IL1RAPL2: variants seen among roughly 807,000 people sequenced by gnomAD.
IL1RAPL2 encodes the protein X-linked interleukin-1 receptor accessory protein-like 2.
IL1RAPL2 carries 3 observed loss-of-function variants against 44.1 expected under a neutral mutation model. The ratio of observed to expected loss-of-function variants is 0.07; its 90% CI spans 0.03 to 0.18. IL1RAPL2 has a LOEUF of 0.18. IL1RAPL2 is among the 10% of genes least tolerant of loss of function. IL1RAPL2 has a pLI of 1.00. For synonymous variants in IL1RAPL2, 181 were observed against 178.8 expected (o/e 1.01, Z -0.10); for missense variants, 391 against 496.4 (o/e 0.79, Z 2.02).
At chrX:105,006,214 G>C (rs1167777786) in intron 2 of IL1RAPL2, among the ~76,000 whole-genome samples, 2 of 110,062 alleles carry the variant, frequency 1.8e-5, no homozygotes, top group Non-Finnish European at 3.8e-5. Context: ...CCCTCCTCGT[G>C]GGTATTTGTG....
chrX:105,218,471 T>C (rs1168071013), intron 3 of IL1RAPL2, among the ~76,000 whole-genome samples: 1 of 111,160 alleles, frequency 9.0e-6, no homozygotes, highest in Non-Finnish European at 1.9e-5. Flanking sequence ...AAAAATCCAT[T>C]TGGCTCTGGA....
intron 2 of IL1RAPL2, among the ~76,000 whole-genome samples, chrX:105,040,972 G>C (rs1296177379): frequency 2.0e-5 from 2 of 100,013 alleles, no homozygotes; most frequent in Admixed American, 2.2e-4. Context: ...TGTGATGTTA[G>C]GGTGTCAATT....
intron 2 of IL1RAPL2, among the ~76,000 whole-genome samples, chrX:104,907,451 T>A (rs1187012267): frequency 1.8e-5 from 2 of 111,198 alleles, no homozygotes; most frequent in Non-Finnish European, 3.8e-5. Context: ...GTGCTATAAA[T>A]TTCCCTCTAC....
intron 1 of IL1RAPL2, among the ~76,000 whole-genome samples, chrX:104,618,097 G>A (rs138944490): frequency 0.011 from 1,259 of 112,043 alleles, 9 homozygotes; most frequent in Middle Eastern, 0.046. Flanking sequence ...ATGCTGGGTA[G>A]GATATTTTGG....
At chrX:105,239,663 T>C (rs57649323) in intron 4 of IL1RAPL2, among the ~76,000 whole-genome samples, 2,429 of 99,399 alleles carry the variant, frequency 0.024, 59 homozygotes, top group African/African-American at 0.11. Context: ...AACGGGTGTA[T>C]AGTTCCATAA....
intron 2 of IL1RAPL2, among the ~76,000 whole-genome samples, chrX:105,098,622 T>C (rs982102789): frequency 8.9e-6 from 1 of 112,358 alleles, no homozygotes; most frequent in African/African-American, 3.2e-5. Context: ...ATACTTTGTA[T>C]GAAAGGAGTG....
At chrX:105,409,807 T>TATAGATAGATAG (rs764698139) in intron 5 of IL1RAPL2, among the ~76,000 whole-genome samples, 15,339 of 89,280 alleles carry the variant, frequency 0.17, 1,194 homozygotes, top group East Asian at 0.28. Context: ...GGCTTTGATT[T>TATAGATAGATAG]ATAGATAGAT....
intron 2 of IL1RAPL2, among the ~76,000 whole-genome samples, chrX:104,880,289 A>G (rs1923027619): frequency 9.0e-6 from 1 of 111,128 alleles, no homozygotes; most frequent in Admixed American, 9.6e-5. Context: ...AGCTTCTATA[A>G]GACAGCCCTG....
intron 2 of IL1RAPL2, among the ~76,000 whole-genome samples, chrX:104,994,338 T>C (rs1028897300): frequency 1.8e-5 from 2 of 111,148 alleles, no homozygotes; most frequent in African/African-American, 6.5e-5. Flanking sequence ...AACTAAACTG[T>C]GGTGAAAAAA....
At chrX:105,734,307 T>C (rs1343725144) in intron 7 of IL1RAPL2, among the ~76,000 whole-genome samples, 1 of 110,705 alleles carries the variant, frequency 9.0e-6, no homozygotes, top group Non-Finnish European at 1.9e-5. Flanking sequence ...AAAGCTAGAG[T>C]AGTCATTTCC....
intron 2 of IL1RAPL2, among the ~76,000 whole-genome samples, chrX:105,059,807 G>A: frequency 8.9e-6 from 1 of 112,241 alleles, no homozygotes; most frequent in Non-Finnish European, 1.9e-5. Flanking sequence ...GGGATTACAG[G>A]TGTGAGGCAC....
intron 6 of IL1RAPL2, among the ~76,000 whole-genome samples, chrX:105,562,862 T>C (rs1477022506): frequency 8.9e-6 from 1 of 112,332 alleles, no homozygotes; most frequent in Non-Finnish European, 1.9e-5. Context: ...ATTTAGTGCC[T>C]ACTTTGTTTC....
intron 2 of IL1RAPL2, among the ~76,000 whole-genome samples, chrX:104,908,351 G>A (rs924263150): frequency 9.0e-6 from 1 of 111,279 alleles, no homozygotes. Flanking sequence ...TCATTATGAT[G>A]TTAGCTGGTT....
chrX:105,645,953 T>C (rs1488918404), intron 6 of IL1RAPL2, among the ~76,000 whole-genome samples: 2 of 111,637 alleles, frequency 1.8e-5, no homozygotes. Context: ...GTGCTCTCCC[T>C]TGCCCTTCTT....
chrX:104,631,093 G>GT (rs1929637913), intron 1 of IL1RAPL2, among the ~76,000 whole-genome samples: 1 of 110,883 alleles, frequency 9.0e-6, no homozygotes, highest in South Asian at 3.9e-4. Context: ...GCGGTGTTTG[G>GT]TTTTTTGTCC....
At chrX:104,721,512 C>T (rs1257060069) in intron 2 of IL1RAPL2, among the ~76,000 whole-genome samples, 7 of 110,250 alleles carry the variant, frequency 6.3e-5, no homozygotes, top group Admixed American at 3.9e-4. Context: ...GGGAACAACA[C>T]ACATTGGGGC....
chrX:105,588,783 T>G (rs1025388765), intron 6 of IL1RAPL2, among the ~76,000 whole-genome samples: 1 of 112,176 alleles, frequency 8.9e-6, no homozygotes, highest in Non-Finnish European at 1.9e-5. Context: ...TTAAATCCAG[T>G]CTACTATTGA....
intron 6 of IL1RAPL2, among the ~76,000 whole-genome samples, chrX:105,702,005 T>C (rs2038123424): frequency 9.0e-6 from 1 of 111,625 alleles, no homozygotes. Context: ...CAAGTTATCA[T>C]CTAAGAATAA....
intron 2 of IL1RAPL2, among the ~76,000 whole-genome samples, chrX:104,936,698 CT>C (rs1421088508): frequency 9.6e-6 from 1 of 104,709 alleles, no homozygotes; most frequent in African/African-American, 3.5e-5. Flanking sequence ...TCTCGGCTCA[CT>C]GCAAGCTCTG....
Sources: allele counts gnomAD v4.1 joint callset (sites outside exome capture counted in the v4.1 genomes callset), GRCh38; gene constraint gnomAD v4.1.1; transcripts MANE v1.5; gene names NCBI Gene and HGNC (gene_info 2026-07-23, HGNC 2026-07-21).